NUP58: variants seen among roughly 807,000 people sequenced by gnomAD.
The protein encoded by NUP58 is nucleoporin 58, also known as nucleoporin p58/p45.
Under a neutral mutation model 70.1 loss-of-function variants are expected in NUP58, and 17 were observed. That is an observed-to-expected ratio of 0.24 (90% CI 0.17 to 0.36). NUP58 has a LOEUF of 0.36. Among genes scored for constraint, NUP58 ranks in the 10% least tolerant of loss-of-function variants. The probability of loss-of-function intolerance (pLI) is 1.00; values close to 1 mark genes in which losing one functional copy is unlikely to be tolerated. For missense variants in NUP58, 644 were observed against 701.5 expected, an observed-to-expected ratio of 0.92 and a Z score of 0.93; for synonymous variants, 275 against 257.6, an observed-to-expected ratio of 1.07 and a Z score of -0.65.
intron 2 of NUP58, among the ~76,000 whole-genome samples, chr13:25,308,405 T>G (rs1308489451): frequency 6.6e-6 from 1 of 151,906 alleles, no homozygotes; most frequent in Non-Finnish European, 1.5e-5. Context: ...CGGGCCCAAG[T>G]GATCCTCCCA....
chr13:25,346,577 A>C (rs2032052985), downstream of NUP58, among the ~76,000 whole-genome samples: 1 of 151,928 alleles, frequency 6.6e-6, no homozygotes, highest in South Asian at 2.1e-4. Context: ...AAAATTAGCC[A>C]GGTGTGGTGG....
At chr13:25,343,860 TAC>T (rs1016327956), downstream of NUP58, among the ~76,000 whole-genome samples, 1 of 134,372 alleles carries the variant, frequency 7.4e-6, no homozygotes, top group South Asian at 2.6e-4. Context: ...CACACATACA[TAC>T]ACACACACAC....
Position 25,301,663 on chromosome 13 carries a change from C to T in NUP58, c.-111C>T, listed in dbSNP as rs1270660836. 2.5e-5 allele frequency: 14 copies of T among 551,646 alleles called. No individual in the cohort carries two copies. Among genetic ancestry groups the T allele is most frequent in the African/African-American group, 3.9e-5 (2 of 50,722 alleles). 34.2% of individuals were successfully genotyped at this position (551,646 alleles called of 1,614,324 possible). A position where few individuals can be genotyped will look rare whatever the true frequency, so the allele number is the denominator to read the frequency against. ...CCGCCGTTGGGGCTGGAAGTTCCCG[C>T]CAGGTCCGTGCCGGGCGAGAGAGAT... On this transcript the variant is annotated 5_prime_UTR_variant, in exon 1 of 16. Transcript: ENST00000381736.
intron 13 of NUP58, chr13:25,333,324 CAAT>C: frequency 3.0e-6 from 3 of 985,332 alleles, no homozygotes; most frequent in Non-Finnish European, 3.6e-6. Flanking sequence ...TGGTGGTTGA[CAAT>C]GTTAGCTTAA....
chr13:25,332,734 G>A, intron 13 of NUP58: 1 of 985,430 alleles, frequency 1.0e-6, no homozygotes, highest in Non-Finnish European at 1.2e-6. Flanking sequence ...GTGAATAGTG[G>A]CTCGCACGAG....
chr13:25,335,081 T>G, intron 13 of NUP58: 3 of 985,120 alleles, frequency 3.0e-6, no homozygotes, highest in Non-Finnish European at 1.2e-6. Context: ...ATATTTATCA[T>G]GAGTTTTTAC....
intron 12 of NUP58, among the ~76,000 whole-genome samples, chr13:25,330,781 A>C (rs1180273448): frequency 1.3e-5 from 2 of 152,172 alleles, no homozygotes; most frequent in Non-Finnish European, 2.9e-5. Flanking sequence ...GTCTCATTGT[A>C]CAATGGTCAA....
downstream of NUP58, among the ~76,000 whole-genome samples, chr13:25,344,005 C>T (rs74042932): frequency 4.5e-3 from 691 of 152,028 alleles, 5 homozygotes; most frequent in African/African-American, 0.016. Flanking sequence ...TCCCAAAATG[C>T]TATACAAATA....
chr13:25,313,711 G>T lies in NUP58; in HGVS notation c.534G>T (p.Leu178Phe), dbSNP rs761991284. The change falls in exon 5 of 16, where the codon TTG (leucine) becomes TTT (phenylalanine). Residue 178 changes from leucine (L) to phenylalanine (F), a missense_variant. Transcript: ENST00000381736. ...CTTTAGGGGGAGCCTTAGCTGGTTT[G>T]GGAGGTTCACTTTTCCAGAGTACAA... ...GLSLGGALAGLGGSLFQSTNT... is the reference protein window; with the variant it reads ...GLSLGGALAGFGGSLFQSTNT... The T allele has an allele frequency of 3.3e-6, 5 of 1,532,544 alleles. No homozygotes were observed. In the Admixed American group the frequency reaches 9.9e-5, roughly 30 times the overall value. The allele number at this position is 1,532,544 out of a possible 1,614,324, so 94.9% of individuals were successfully genotyped here.
intron 12 of NUP58, among the ~76,000 whole-genome samples, chr13:25,329,040 A>T (rs2137805815): frequency 6.6e-6 from 1 of 152,324 alleles, no homozygotes; most frequent in South Asian, 2.1e-4. Context: ...TTAAAACTGT[A>T]ACCCAAATCT....
chr13:25,314,153 A>G (rs527567050), intron 5 of NUP58, among the ~76,000 whole-genome samples: 8 of 152,182 alleles, frequency 5.3e-5, no homozygotes, highest in African/African-American at 1.9e-4. Flanking sequence ...AGCTGGTCTC[A>G]AACTTCTGAC....
At chr13:25,332,362 A>G (rs1299279213) in intron 13 of NUP58, 5 of 985,288 alleles carry the variant, frequency 5.1e-6, no homozygotes, top group East Asian at 1.1e-4. Context: ...GTTAATAGTT[A>G]TCTTAATCCT....
rs1339098317 is a variant in NUP58, at chr13:25,331,403, A to G, written c.1280A>G (p.Asp427Gly). 1 of 1,614,120 alleles carries G rather than the reference A, an allele frequency of 6.2e-7. No homozygotes were observed. Among genetic ancestry groups the G allele is most frequent in the Non-Finnish European group, 8.5e-7 (1 of 1,180,000 alleles). The stretch of plus-strand genomic sequence containing the variant: ...GGCTACAGGAAAATGTTCTTGGGAG[A>G]TGCTGTTGATGTGTTTGAAACAAGG... ...YLGYRKMFLGDAVDVFETRRA... is the reference protein window; with the variant it reads ...YLGYRKMFLGGAVDVFETRRA... Residue 427 changes from aspartate to glycine, a missense_variant, in exon 13 of 16, where the codon GAT (aspartate) becomes GGT (glycine). This residue lies in a region of NUP58 where 78 missense variants were observed against 71.3 expected (regional missense o/e 1.09). Transcript: ENST00000381736.
intron 6 of NUP58, among the ~76,000 whole-genome samples, chr13:25,316,801 C>T (rs907666276): frequency 2.0e-5 from 3 of 152,092 alleles, no homozygotes; most frequent in African/African-American, 4.8e-5. Context: ...AATTAATCTC[C>T]CCTCCTCTGC....
intron 9 of NUP58, 40 bp downstream of exon 9, chr13:25,321,133 G>T: frequency 1.3e-6 from 2 of 1,519,542 alleles, no homozygotes; most frequent in East Asian, 2.4e-5. Context: ...GGGTTTTTTT[G>T]TTTTGTTTTT....
chr13:25,347,118 G>A (rs1039838015), downstream of NUP58, among the ~76,000 whole-genome samples: 4 of 152,016 alleles, frequency 2.6e-5, no homozygotes, highest in African/African-American at 9.7e-5. Context: ...ATAATTTTTT[G>A]TGTGAAATGT....
chr13:25,337,048 T>G lies in NUP58; in HGVS notation c.1534+14T>G, dbSNP rs1391078319. On this transcript the variant is annotated intron_variant, in intron 14 of 15. Coordinates refer to ENST00000381736, the MANE Select transcript of NUP58 (RefSeq NM_014089.4). ...CAAACCTTGGAGGTACACTTTAACT[T>G]TTCTAATATTTCATTGAACTATTAT... 1.9e-6 allele frequency: 3 copies of G among 1,540,212 alleles called. No homozygotes were observed. The highest frequency in any genetic ancestry group is 1.4e-5 in the African/African-American group (1 of 71,996).
chr13:25,315,149 G>T (rs963019487), intron 5 of NUP58, among the ~76,000 whole-genome samples: 1 of 152,102 alleles, frequency 6.6e-6, no homozygotes, highest in Non-Finnish European at 1.5e-5. Flanking sequence ...ATGAAAAATC[G>T]CATCATCCAA....
intron 4 of NUP58, 149 bp downstream of exon 4, chr13:25,313,181 G>C: frequency 1.1e-6 from 1 of 887,014 alleles, no homozygotes; most frequent in Non-Finnish European, 1.7e-6. Flanking sequence ...AGGCTGTCTT[G>C]ATGTCCCTAT....
Sources: allele counts gnomAD v4.1 joint callset (sites outside exome capture counted in the v4.1 genomes callset), GRCh38; gene constraint gnomAD v4.1.1; regional missense constraint gnomAD v4.1.1; transcripts MANE v1.5; gene names NCBI Gene and HGNC (gene_info 2026-07-23, HGNC 2026-07-21).